RAD54B: variants seen among roughly 807,000 people sequenced by gnomAD.
RAD54B encodes the protein RAD54 homolog B.
In RAD54B, 78 loss-of-function variants were observed where a neutral mutation model predicts 95.8. That is an observed-to-expected ratio of 0.81 (90% CI 0.68 to 0.98). The LOEUF is 0.98. RAD54B is among the 50% of genes least tolerant of loss of function. The pLI is 0.00. For missense variants in RAD54B, 957 were observed against 1,056.6 expected (o/e 0.91, Z 1.31); for synonymous variants, 328 against 354.9 (o/e 0.92, Z 0.85).
chr8:94,410,081 T>G (rs1244533024), intron 4 of RAD54B, among the ~76,000 whole-genome samples: 1 of 152,224 alleles, frequency 6.6e-6, no homozygotes, highest in Non-Finnish European at 1.5e-5. Context: ...TTTCATACAC[T>G]ACATTCCTGA....
At chr8:94,431,954 A>G in intron 3 of RAD54B, 1 of 1,295,896 alleles carries the variant, frequency 7.7e-7, no homozygotes, top group Non-Finnish European at 9.8e-7. Context: ...CATGCCAACC[A>G]ACCAGTAAAT....
At chr8:94,420,576 A>C (rs1811780465) in intron 3 of RAD54B, among the ~76,000 whole-genome samples, 1 of 151,996 alleles carries the variant, frequency 6.6e-6, no homozygotes, top group South Asian at 2.1e-4. Flanking sequence ...TCCTTTCTCC[A>C]CAGTAAATCA....
intron 14 of RAD54B, among the ~76,000 whole-genome samples, chr8:94,377,742 C>T (rs1323460514): frequency 4.0e-5 from 6 of 150,534 alleles, no homozygotes; most frequent in African/African-American, 9.8e-5. Flanking sequence ...TTTGGGAGGC[C>T]GAGGCGGGCG....
chr8:94,388,616 A>G (rs1810947374), intron 10 of RAD54B, among the ~76,000 whole-genome samples: 5 of 152,198 alleles, frequency 3.3e-5, no homozygotes, highest in South Asian at 4.1e-4. Context: ...CCCCCTCTTT[A>G]GTAATACTAG....
At chr8:94,471,467 T>G (rs1251359785) in intron 1 of RAD54B, among the ~76,000 whole-genome samples, 2 of 152,162 alleles carry the variant, frequency 1.3e-5, no homozygotes, top group Non-Finnish European at 2.9e-5. Flanking sequence ...TTGGAGGTGA[T>G]AGAAATAATC....
At chr8:94,422,619 T>TAA (rs1811844770) in intron 3 of RAD54B, among the ~76,000 whole-genome samples, 1 of 20,968 alleles carries the variant, frequency 4.8e-5, no homozygotes, top group African/African-American at 2.7e-4. Flanking sequence ...AAAAAAAAAA[T>TAA]ATATATATAT....
chr8:94,453,710 A>G (rs1393056057), intron 3 of RAD54B, among the ~76,000 whole-genome samples: 3 of 152,196 alleles, frequency 2.0e-5, no homozygotes, highest in Admixed American at 2.0e-4. Context: ...AAGACATACA[A>G]AAAACTAGTA....
intron 14 of RAD54B, among the ~76,000 whole-genome samples, chr8:94,375,609 G>A (rs1052544426): frequency 3.3e-5 from 5 of 152,062 alleles, no homozygotes; most frequent in African/African-American, 9.7e-5. Context: ...TATCAGCAGC[G>A]TGAAAACAGA....
chr8:94,415,185 T>C (rs1215716259), intron 3 of RAD54B, among the ~76,000 whole-genome samples: 8 of 151,564 alleles, frequency 5.3e-5, no homozygotes, highest in East Asian at 1.9e-4. Context: ...ATCAATGGAA[T>C]AGAACAGAGC....
In RAD54B at chr8:94,444,827, G is replaced by C. The variant is rs28573192; in HGVS notation, c.304+13441C>G. ...TTCTTCCTCTGTCCCTTTGAGATGT[G>C]TATGTATCTCCTACAACTCAGCAGT... On this transcript the variant is annotated intron_variant, in intron 3 of 14. Transcript: ENST00000336148. 8.5e-5 allele frequency among the ~76,000 whole-genome samples: 13 copies of C among 152,234 alleles called. No individual in the cohort carries two copies. The East Asian group carries it at 2.5e-3, about 29-fold the overall frequency.
rs543579359 is a variant in RAD54B, at chr8:94,380,382, T to C, written c.2010A>G (p.Thr670=). Reference sequence around the variant, plus strand: ...CTTCTTGTAAAATGTTCAAGGTTTGTGTATAGTTGGATACCAACACCACCC... The same window carrying C: ...CTTCTTGTAAAATGTTCAAGGTTTGCGTATAGTTGGATACCAACACCACCC... ...TEKVVLVSNY[T]QTLNILQEVC... The change falls in exon 12 of 15, where the codon ACA becomes ACG. Residue 670 remains threonine, a synonymous_variant. Coordinates refer to ENST00000336148, the MANE Select transcript of RAD54B (RefSeq NM_012415.3). The C allele has an allele frequency of 1.2e-5, 19 of 1,610,032 alleles. No homozygotes were observed. Among genetic ancestry groups the C allele is most frequent in the African/African-American group, 9.3e-5 (7 of 75,006 alleles).
intron 3 of RAD54B, chr8:94,436,785 A>G: frequency 1.3e-6 from 2 of 1,550,088 alleles, no homozygotes; most frequent in Non-Finnish European, 1.7e-6. Context: ...GTTCTTCGAG[A>G]ATTTTCACAT....
At position 94,399,491 on chromosome 8, in the gene RAD54B, T is replaced by C; in HGVS notation, c.1301A>G (p.His434Arg). Residue 434 changes from histidine (H) to arginine (R), a missense_variant, in exon 8 of 15, where the codon CAT becomes CGT. Physicochemically the swap from His to Arg is conservative, Grantham distance 29. Coordinates refer to ENST00000336148, the MANE Select transcript of RAD54B (RefSeq NM_012415.3). ...KFDLLICDEG[H>R]RLKNSAIKTT... ...CTTAATGGCACTGTTCTTCAAACGA[T>C]GCCCCTCGTCACAGATTAGAAGATC... 6.2e-7 allele frequency: 1 copy of C among 1,613,702 alleles called. No individual in the cohort carries two copies. The highest frequency in any genetic ancestry group is 8.5e-7 in the Non-Finnish European group (1 of 1,179,722).
At chr8:94,458,602 C>T (rs1407066204) in intron 2 of RAD54B, among the ~76,000 whole-genome samples, 166 bp from the exon 3 acceptor site, 2 of 152,206 alleles carry the variant, frequency 1.3e-5, no homozygotes, top group Non-Finnish European at 2.9e-5. Context: ...CATGGTGGCT[C>T]ATGCCTGTAA....
At chr8:94,432,298 TCTGATG>T (rs1318821513) in intron 3 of RAD54B, 1 of 1,550,358 alleles carries the variant, frequency 6.5e-7, no homozygotes, top group Non-Finnish European at 8.7e-7. Flanking sequence ...TCTAAAATTA[TCTGATG>T]CTCCTCTTTC....
chr8:94,378,081 A>T (rs2129948772), intron 14 of RAD54B, 99 bp downstream of exon 14: 1 of 920,050 alleles, frequency 1.1e-6, no homozygotes, highest in East Asian at 2.8e-5. Context: ...AACATATGCA[A>T]ATGGTAAATA....
intron 3 of RAD54B, among the ~76,000 whole-genome samples, chr8:94,455,750 C>T (rs1281397234): frequency 6.6e-6 from 1 of 152,130 alleles, no homozygotes; most frequent in Non-Finnish European, 1.5e-5. Flanking sequence ...TCTTTCTAGC[C>T]CCTGGTGGTT....
At chr8:94,423,373 C>A (rs1811869229) in intron 3 of RAD54B, among the ~76,000 whole-genome samples, 1 of 152,182 alleles carries the variant, frequency 6.6e-6, no homozygotes, top group African/African-American at 2.4e-5. Flanking sequence ...CAGAGCCAGA[C>A]TCCATCTCAA....
At chr8:94,437,008 T>A in intron 3 of RAD54B, 1 of 1,386,856 alleles carries the variant, frequency 7.2e-7, no homozygotes, top group Non-Finnish European at 9.3e-7. Flanking sequence ...GGAGGGTTTA[T>A]TAAAATTCCT....
Sources: allele counts gnomAD v4.1 joint callset (sites outside exome capture counted in the v4.1 genomes callset), GRCh38; gene constraint gnomAD v4.1.1; transcripts MANE v1.5; gene names NCBI Gene and HGNC (gene_info 2026-07-23, HGNC 2026-07-21).